Variants in TOX observed in about 807,000 individuals in gnomAD.
TOX encodes thymocyte selection-associated high mobility group box protein TOX.
In TOX, 11 loss-of-function variants were observed where a neutral mutation model predicts 53.7. That is an observed-to-expected ratio of 0.20 (90% confidence interval 0.13 to 0.34). TOX has a LOEUF of 0.34. Among genes scored for constraint, TOX ranks in the 10% least tolerant of loss-of-function variants. The pLI is 1.00. For synonymous variants in TOX, 225 were observed against 245.3 expected (o/e 0.92, Z 0.77); for missense variants, 570 against 664.6 (o/e 0.86, Z 1.56).
intron 1 of TOX, among the ~76,000 whole-genome samples, chr8:59,107,296 C>T (rs982405313): frequency 6.6e-6 from 1 of 151,930 alleles, no homozygotes; most frequent in Non-Finnish European, 1.5e-5. Context: ...CCAGATGAAC[C>T]CAGAAGGTAC....
chr8:58,823,923 G>A (rs1300464571), intron 6 of TOX, among the ~76,000 whole-genome samples: 1 of 152,128 alleles, frequency 6.6e-6, no homozygotes, highest in African/African-American at 2.4e-5. Context: ...CTAGAAAATA[G>A]GTACTAAAAT....
chr8:59,064,187 C>A (rs906661190), intron 1 of TOX, among the ~76,000 whole-genome samples: 1 of 152,108 alleles, frequency 6.6e-6, no homozygotes, highest in Admixed American at 6.5e-5. Context: ...TCCTCTATTA[C>A]AAGGATATAG....
At chr8:58,980,379 T>C (rs1293411944) in intron 1 of TOX, among the ~76,000 whole-genome samples, 1 of 152,126 alleles carries the variant, frequency 6.6e-6, no homozygotes. Context: ...TGGCTATCAG[T>C]GATCTGTCCA....
chr8:59,054,971 AG>A (rs1358309426), intron 1 of TOX, among the ~76,000 whole-genome samples: 1 of 124,762 alleles, frequency 8.0e-6, no homozygotes, highest in Non-Finnish European at 1.7e-5. Flanking sequence ...GGAGGAAGGA[AG>A]GGACGGAGGG....
At chr8:59,057,224 C>T (rs1457406089) in intron 1 of TOX, among the ~76,000 whole-genome samples, 1 of 151,866 alleles carries the variant, frequency 6.6e-6, no homozygotes, top group African/African-American at 2.4e-5. Flanking sequence ...AATATTGAAA[C>T]ATAAAATGAA....
chr8:58,878,151 C>G (rs775891052), intron 3 of TOX, among the ~76,000 whole-genome samples: 6 of 151,792 alleles, frequency 4.0e-5, no homozygotes, highest in Non-Finnish European at 8.8e-5. Flanking sequence ...AATTCTTTTC[C>G]CTTTTTTATA....
At chr8:59,110,010 T>C (rs987800406) in intron 1 of TOX, among the ~76,000 whole-genome samples, 2 of 152,176 alleles carry the variant, frequency 1.3e-5, no homozygotes, top group Non-Finnish European at 2.9e-5. Flanking sequence ...TCTTAAAAGA[T>C]TAGTTTTGCA....
chr8:58,873,717 C>T (rs1811234049), intron 3 of TOX, among the ~76,000 whole-genome samples: 1 of 152,040 alleles, frequency 6.6e-6, no homozygotes, highest in Non-Finnish European at 1.5e-5. Flanking sequence ...CTGATGGAAT[C>T]TTTCAAAAGG....
At chr8:58,835,543 C>G (rs896288956) in intron 5 of TOX, among the ~76,000 whole-genome samples, 1 of 152,062 alleles carries the variant, frequency 6.6e-6, no homozygotes, top group African/African-American at 2.4e-5. Flanking sequence ...AAATAAAAAG[C>G]CTTAGTGTTA....
intron 5 of TOX, among the ~76,000 whole-genome samples, chr8:58,832,213 A>T (rs189586556): frequency 0.011 from 1,660 of 148,132 alleles, 32 homozygotes; most frequent in African/African-American, 0.039. Context: ...TAATATATGT[A>T]ATATATATAT....
chr8:58,933,709 A>T (rs1021067935), intron 3 of TOX, among the ~76,000 whole-genome samples: 1 of 152,204 alleles, frequency 6.6e-6, no homozygotes, highest in East Asian at 1.9e-4. Context: ...TTACAGGAAA[A>T]TGCTAGTCCT....
chr8:58,878,551 T>A (rs1275750145), intron 3 of TOX, among the ~76,000 whole-genome samples: 1 of 152,194 alleles, frequency 6.6e-6, no homozygotes, highest in Non-Finnish European at 1.5e-5. Flanking sequence ...AAGCTCTATT[T>A]TACAGTATCA....
At chr8:58,820,978 C>CT (rs914505222) in intron 6 of TOX, among the ~76,000 whole-genome samples, 10 of 152,242 alleles carry the variant, frequency 6.6e-5, no homozygotes, top group South Asian at 4.1e-4. Context: ...TTTCCTTAAG[C>CT]TTTATTTGAC....
intron 3 of TOX, among the ~76,000 whole-genome samples, chr8:58,852,305 T>TAA (rs1239524543): frequency 6.6e-6 from 1 of 152,202 alleles, no homozygotes; most frequent in Non-Finnish European, 1.5e-5. Flanking sequence ...TATACTCTTG[T>TAA]ACTCAGTTTA....
rs1290508689 is a variant in TOX at position 59,016,838 on chromosome 8, A to G, written c.103-56830T>C. ...CATATGATTCCATTCCATTTGCTTT[A>G]CCTGTCCTAAGATACTGAGTTTTTG... On this transcript the variant is annotated intron_variant, in intron 1 of 8. Coordinates refer to ENST00000361421, the MANE Select transcript of TOX (RefSeq NM_014729.3). 9.2e-5 allele frequency among the ~76,000 whole-genome samples: 14 copies of G among 152,366 alleles called. No homozygotes were observed. In the East Asian group the frequency reaches 2.3e-3, roughly 25 times the overall value.
intron 1 of TOX, among the ~76,000 whole-genome samples, chr8:59,045,184 CCTTT>C (rs1338876369): frequency 2.0e-5 from 3 of 152,058 alleles, no homozygotes; most frequent in Admixed American, 6.6e-5. Context: ...CCATGATTCT[CCTTT>C]CTTAATTTTT....
chr8:59,058,255 T>A lies in TOX; in HGVS notation c.102+60631A>T, dbSNP rs540782445. Among the ~76,000 whole-genome samples the A allele has an allele frequency of 3.3e-5, 5 of 152,318 alleles. No individual in the cohort carries two copies. In the South Asian group the frequency reaches 1.0e-3, roughly 32 times the overall value. ...GGAGCAGCTCACTTCCCTGGATTGA[T>A]CAGTGGTGGCTTTCTGGGTGAGCTG... On this transcript the variant is annotated intron_variant, in intron 1 of 8. Transcript: ENST00000361421.
chr8:59,060,064 T>C (rs796598437), intron 1 of TOX, among the ~76,000 whole-genome samples: 16 of 152,368 alleles, frequency 1.1e-4, no homozygotes, highest in African/African-American at 3.6e-4. Flanking sequence ...CATTTATTCT[T>C]TGACAAAATT....
chr8:58,957,503 C>T (rs941667281), intron 2 of TOX, among the ~76,000 whole-genome samples: 2 of 152,176 alleles, frequency 1.3e-5, no homozygotes, highest in African/African-American at 4.8e-5. Flanking sequence ...CCAAAGAGCC[C>T]TTTGGGACTG....
Sources: allele counts gnomAD v4.1 joint callset (sites outside exome capture counted in the v4.1 genomes callset), GRCh38; gene constraint gnomAD v4.1.1; transcripts MANE v1.5; gene names NCBI Gene and HGNC (gene_info 2026-07-23, HGNC 2026-07-21).